The following CIMAP1D variants were observed in gnomAD, a reference collection of about 807,000 sequenced individuals.
CIMAP1D encodes the protein CIMAP1 family member D, also known as protein CIMAP1D.
chr19:483,257 C>T, the CIMAP1D span, among the ~76,000 whole-genome samples: 2 of 150,496 alleles, frequency 1.3e-5, no homozygotes, highest in Non-Finnish European at 3.0e-5. Flanking sequence ...CCATCCCCCC[C>T]CAACACCCAC....
At chr19:479,414 G>C in the CIMAP1D span, among the ~76,000 whole-genome samples, 8 of 114,800 alleles carry the variant, frequency 7.0e-5, no homozygotes, top group African/African-American at 3.4e-4. Flanking sequence ...TTTTTTTTGG[G>C]GGGGGGGGGG....
At chr19:477,725 C>T in the CIMAP1D span, among the ~76,000 whole-genome samples, 11,543 of 152,248 alleles carry the variant, frequency 0.076, 574 homozygotes, top group South Asian at 0.19. Flanking sequence ...TGCAGTGGCA[C>T]GATCTCGGCT....
chr19:490,002 G>C, the CIMAP1D span: 1 of 398,520 alleles, frequency 2.5e-6, no homozygotes, highest in Non-Finnish European at 4.4e-6. Context: ...CCCCACGTCC[G>C]GCGGCCACGA....
At chr19:466,631 T>C in the CIMAP1D span, among the ~76,000 whole-genome samples, 1 of 92,714 alleles carries the variant, frequency 1.1e-5, no homozygotes, top group Non-Finnish European at 2.1e-5. Flanking sequence ...GGTAGAAGCA[T>C]GGGTGGATAG....
At chr19:488,932 G>T in the CIMAP1D span, among the ~76,000 whole-genome samples, 1 of 152,046 alleles carries the variant, frequency 6.6e-6, no homozygotes, top group Non-Finnish European at 1.5e-5. Flanking sequence ...ACCGACCACG[G>T]GGCGAGACAG....
the CIMAP1D span, among the ~76,000 whole-genome samples, chr19:480,121 G>A: frequency 5.3e-5 from 8 of 152,366 alleles, no homozygotes; most frequent in African/African-American, 9.6e-5. Context: ...CCGAACTCGG[G>A]AGGCGGGCGA....
chr19:491,182 C>G, the CIMAP1D span, among the ~76,000 whole-genome samples: 1 of 151,186 alleles, frequency 6.6e-6, no homozygotes, highest in East Asian at 1.9e-4. Context: ...GAGGCTCAGG[C>G]GGGAGAATCG....
the CIMAP1D span, among the ~76,000 whole-genome samples, chr19:480,707 AGAAGGAATGTGGGAAGGATGATGG>A: frequency 3.4e-4 from 47 of 140,236 alleles, 1 homozygote; most frequent in South Asian, 3.5e-3. Flanking sequence ...ACGATGATGG[AGAAGGAATGTGGGAAGGATGATGG>A]GAAGGATGAT....
the CIMAP1D span, among the ~76,000 whole-genome samples, chr19:479,715 T>A: frequency 3.0e-4 from 46 of 151,024 alleles, no homozygotes; most frequent in African/African-American, 1.1e-3. Context: ...TTTTGTATTT[T>A]TAGTAGAGAC....
chr19:489,947 G>A, the CIMAP1D span: 4 of 398,010 alleles, frequency 1.0e-5, no homozygotes, highest in Non-Finnish European at 8.9e-6. Flanking sequence ...CCCCTGCCCG[G>A]TGCTGAGAGA....
the CIMAP1D span, among the ~76,000 whole-genome samples, chr19:477,298 G>A: frequency 2.0e-5 from 3 of 152,230 alleles, no homozygotes; most frequent in Non-Finnish European, 4.4e-5. Flanking sequence ...CCTTGGCCGG[G>A]CACTGTGGCT....
At chr19:469,220 A>ATTT in the CIMAP1D span, among the ~76,000 whole-genome samples, 8,867 of 147,138 alleles carry the variant, frequency 0.06, 695 homozygotes, top group East Asian at 0.3. Flanking sequence ...GGCTGGGGAG[A>ATTT]TTCTTTTTTT....
the CIMAP1D span, among the ~76,000 whole-genome samples, chr19:471,406 C>G: frequency 6.6e-6 from 1 of 151,760 alleles, no homozygotes; most frequent in African/African-American, 2.4e-5. Context: ...CCTCGGCCTC[C>G]CAAAGTGCTG....
the CIMAP1D span, among the ~76,000 whole-genome samples, chr19:475,714 A>T: frequency 6.6e-6 from 1 of 151,840 alleles, no homozygotes; most frequent in Non-Finnish European, 1.5e-5. Context: ...CTGCCAGATG[A>T]GATGCACGTT....
the CIMAP1D span, among the ~76,000 whole-genome samples, chr19:475,749 G>A: frequency 0.018 from 2,689 of 150,510 alleles, 87 homozygotes; most frequent in African/African-American, 0.061. Flanking sequence ...GTTTGTTTCT[G>A]TATTTTTTGG....
the CIMAP1D span, among the ~76,000 whole-genome samples, chr19:486,732 G>A: frequency 3.3e-5 from 5 of 151,622 alleles, no homozygotes; most frequent in African/African-American, 1.2e-4. Context: ...GGCTAATACA[G>A]TGAAACCCCG....
At chr19:465,627 G>T in the CIMAP1D span, among the ~76,000 whole-genome samples, 6 of 143,554 alleles carry the variant, frequency 4.2e-5, no homozygotes, top group Non-Finnish European at 7.6e-5. Flanking sequence ...GTGGATGGGT[G>T]TGTGGATGGA....
At chr19:471,804 G>A in the CIMAP1D span, among the ~76,000 whole-genome samples, 30 of 151,138 alleles carry the variant, frequency 2.0e-4, no homozygotes, top group African/African-American at 5.1e-4. Context: ...GTGCAGTGGC[G>A]CCATCTCGGC....
chr19:474,623 T>C, the CIMAP1D span: 4 of 1,556,084 alleles, frequency 2.6e-6, no homozygotes, highest in Non-Finnish European at 2.6e-6. Context: ...GCACGCACCG[T>C]TCTCCAGGGT....
Sources: gnomAD v4.1 joint callset for allele counts (sites outside exome capture counted in the v4.1 genomes callset) on GRCh38, gnomAD v4.1.1 for gene constraint, MANE v1.5 for transcripts, NCBI Gene and HGNC (gene_info 2026-07-23, HGNC 2026-07-21) for gene names.